Variants in GAGE13 observed in about 807,000 individuals in gnomAD.
GAGE13 encodes the protein G antigen 13, also known as G antigen 12A.
chrX:49,337,648 T>TC (rs1195127749), intron 4 of GAGE13, among the ~76,000 whole-genome samples: 10 of 59,887 alleles, frequency 1.7e-4, no homozygotes, highest in East Asian at 4.1e-4. Context: ...TTCTTTTTTT[T>TC]CTTTTATTTA....
chrX:49,332,085 C>T (rs2066465840), intron 1 of GAGE13, among the ~76,000 whole-genome samples: 1 of 80,506 alleles, frequency 1.2e-5, no homozygotes, highest in East Asian at 3.5e-4. Flanking sequence ...AGCGCCCCCG[C>T]AGCGGTGTGG....
chrX:49,333,475 C>CGTGT, intron 3 of GAGE13, 68 bp downstream of exon 3: 1 of 304,093 alleles, frequency 3.3e-6, no homozygotes, highest in Non-Finnish European at 5.0e-6. Context: ...TGTGTGTGCA[C>CGTGT]GTGTGTGTGT....
chrX:49,335,118 T>C (rs1230314049), intron 3 of GAGE13, among the ~76,000 whole-genome samples: 2 of 55,661 alleles, frequency 3.6e-5, no homozygotes, highest in Non-Finnish European at 7.7e-5. Context: ...CTCCGTCTCT[T>C]ACCGTGCTGC....
intron 3 of GAGE13, among the ~76,000 whole-genome samples, chrX:49,334,734 GAATA>G (rs1446060324): frequency 3.8e-5 from 1 of 26,637 alleles, no homozygotes; most frequent in Non-Finnish European, 1.0e-4. Context: ...ATACATAAAT[GAATA>G]AATAAATAAA....
At chrX:49,332,318 C>T (rs2066467056) in intron 1 of GAGE13, among the ~76,000 whole-genome samples, 1 of 95,678 alleles carries the variant, frequency 1.0e-5, no homozygotes, top group African/African-American at 3.3e-5. Flanking sequence ...TAAACCTCAT[C>T]AGAAATGACC....
At chrX:49,332,103 A>G (rs2066465938) in intron 1 of GAGE13, among the ~76,000 whole-genome samples, 2 of 80,965 alleles carry the variant, frequency 2.5e-5, no homozygotes, top group African/African-American at 3.4e-5. Flanking sequence ...TGGAGTGCGG[A>G]GCGCCCGAGT....
Position 49,331,962 on chromosome X carries a change from A to C in GAGE13, c.-9+273A>C, listed in dbSNP as rs2066465070. On this transcript the variant is annotated intron_variant, in intron 1 of 4. Coordinates refer to ENST00000612958, the MANE Select transcript of GAGE13 (RefSeq NM_001098412.4). ...TGCTGTTGGGGGGATGGAAGTCCCGAGGTGCCGGGAACCCCCGACGACACA... is the reference window on the plus strand; with the variant it reads ...TGCTGTTGGGGGGATGGAAGTCCCGCGGTGCCGGGAACCCCCGACGACACA... Among the ~76,000 whole-genome samples, 15 of 80,499 alleles carry C rather than the reference A, an allele frequency of 1.9e-4. No individual in the cohort carries two copies. The South Asian group carries it at 9.5e-3, about 51-fold the overall frequency. The allele number at this position is 80,499 out of a possible 115,157, so 69.9% of individuals were successfully genotyped here.
intron 2 of GAGE13, among the ~76,000 whole-genome samples, 172 bp from the exon 3 acceptor site, chrX:49,333,115 A>G (rs1167649309): frequency 2.0e-5 from 2 of 98,243 alleles, no homozygotes; most frequent in African/African-American, 3.3e-5. Context: ...CTTTTCTCAC[A>G]GTAACCTCCC....
chrX:49,335,513 C>G (rs1357727167), intron 3 of GAGE13, among the ~76,000 whole-genome samples: 61 of 103,389 alleles, frequency 5.9e-4, no homozygotes, highest in African/African-American at 1.9e-3. Flanking sequence ...ATTCTCATGC[C>G]TCAGCCTCCC....
At chrX:49,337,772 C>G (rs1245654864) in intron 4 of GAGE13, among the ~76,000 whole-genome samples, 1 of 55,004 alleles carries the variant, frequency 1.8e-5, no homozygotes, top group Non-Finnish European at 3.8e-5. Flanking sequence ...GCTGCACCCA[C>G]TATCTCATCA....
At chrX:49,335,204 T>A (rs1182167392) in intron 3 of GAGE13, among the ~76,000 whole-genome samples, 16 of 107,809 alleles carry the variant, frequency 1.5e-4, no homozygotes, top group African/African-American at 5.4e-4. Context: ...ATTGTCTCGA[T>A]AAAGTTTCAG....
chrX:49,337,352 A>G (rs1364516578), intron 4 of GAGE13, among the ~76,000 whole-genome samples: 6 of 4,117 alleles, frequency 1.5e-3, no homozygotes, highest in Non-Finnish European at 4.3e-3. Context: ...AATACGTAGT[A>G]TAAGATCTTG....
chrX:49,332,061 G>A (rs1288864367), intron 1 of GAGE13, among the ~76,000 whole-genome samples: 1 of 80,531 alleles, frequency 1.2e-5, no homozygotes, highest in Non-Finnish European at 3.2e-5. Context: ...ACCTGGGAAG[G>A]CTGCGGCCTG....
At chrX:49,332,014 G>A (rs1433756089) in intron 1 of GAGE13, among the ~76,000 whole-genome samples, 2 of 80,548 alleles carry the variant, frequency 2.5e-5, no homozygotes, top group Admixed American at 1.3e-4. Context: ...TGGGGTCCCC[G>A]GCGGGGGCGA....
chrX:49,335,536 C>A (rs2066482710), intron 3 of GAGE13, among the ~76,000 whole-genome samples: 1 of 100,010 alleles, frequency 1.0e-5, no homozygotes, highest in Non-Finnish European at 2.2e-5. Context: ...GTAGCTGGGA[C>A]TACAGGCGCC....
chrX:49,335,543 C>T (rs1424300625), intron 3 of GAGE13, among the ~76,000 whole-genome samples: 1 of 98,431 alleles, frequency 1.0e-5, no homozygotes, highest in African/African-American at 3.3e-5. Flanking sequence ...GGACTACAGG[C>T]GCCGGCCACT....
intron 1 of GAGE13, among the ~76,000 whole-genome samples, chrX:49,332,187 G>C (rs1427952152): frequency 1.2e-5 from 1 of 80,733 alleles, no homozygotes; most frequent in Non-Finnish European, 3.1e-5. Context: ...GAGGCAGTGC[G>C]GTCCAACCAA....
chrX:49,332,078 GC>G (rs2066465787), intron 1 of GAGE13, among the ~76,000 whole-genome samples: 1 of 80,508 alleles, frequency 1.2e-5, no homozygotes, highest in Non-Finnish European at 3.2e-5. Flanking sequence ...CCTGGTGAGC[GC>G]CCCCGCAGCG....
intron 1 of GAGE13, among the ~76,000 whole-genome samples, 200 bp downstream of exon 1, chrX:49,331,889 G>A (rs2066464621): frequency 1.3e-5 from 1 of 79,346 alleles, no homozygotes; most frequent in African/African-American, 3.4e-5. Flanking sequence ...GGAGGAAGGT[G>A]GGCCGTGGAG....
Sources: allele counts gnomAD v4.1 joint callset (sites outside exome capture counted in the v4.1 genomes callset), GRCh38; gene constraint gnomAD v4.1.1; transcripts MANE v1.5; gene names NCBI Gene and HGNC (gene_info 2026-07-23, HGNC 2026-07-21).